Variants in C8A observed in about 807,000 individuals in gnomAD.
The protein encoded by C8A is complement component C8 alpha chain.
C8A carries 67 observed loss-of-function variants against 65.3 expected under a neutral mutation model. The observed-to-expected ratio is 1.03, with a 90% CI of 0.84 to 1.26. The LOEUF is 1.26. Among genes scored for constraint, C8A ranks in the 50% most tolerant of loss-of-function variants. C8A has a pLI of 0.00. For missense variants in C8A, 781 were observed against 723.9 expected, an observed-to-expected ratio of 1.08 and a Z score of -0.90; for synonymous variants, 290 against 259.4, an observed-to-expected ratio of 1.12 and a Z score of -1.13.
chr1:56,908,186 A>G (rs1644482207), intron 9 of C8A, 73 bp downstream of exon 9: 1 of 1,462,564 alleles, frequency 6.8e-7, no homozygotes, highest in Non-Finnish European at 9.6e-7. Context: ...ATCATTTCAT[A>G]TTTCTTATTA....
In C8A at chr1:56,912,523, C is replaced by G; in HGVS notation, c.1501C>G (p.Pro501Ala). 6.2e-7 allele frequency: 1 copy of G among 1,614,226 alleles called. No individual in the cohort carries two copies. The highest frequency in any genetic ancestry group is 1.3e-5 in the African/African-American group (1 of 75,046). ...GGAATTCAATGCCTGCCGATGTGGG[C>G]CTTGCTTCAACAATGGGGTGCCCAT... ...LMEFNACRCG[P>A]CFNNGVPILE... The change falls in exon 10 of 11, where the codon CCT becomes GCT. Residue 501 changes from proline to alanine, a missense_variant. By Grantham distance (27) the Pro-to-Ala change is conservative. Transcript: ENST00000361249.
intron 6 of C8A, among the ~76,000 whole-genome samples, chr1:56,885,420 A>ATATTTAAATAAATATATATT (rs1557705803): frequency 0.019 from 1,649 of 85,716 alleles, 22 homozygotes; most frequent in Non-Finnish European, 0.029. Context: ...ATTTAAATAT[A>ATATTTAAATAAATATATATT]TATTTAAATA....
chr1:56,882,072 C>G (rs1471188640), intron 5 of C8A, among the ~76,000 whole-genome samples: 1 of 152,130 alleles, frequency 6.6e-6, no homozygotes, highest in East Asian at 1.9e-4. Context: ...CCAAAGGCAG[C>G]TCACACTGAT....
intron 7 of C8A, among the ~76,000 whole-genome samples, chr1:56,889,540 T>C (rs1644328421): frequency 6.6e-6 from 1 of 152,160 alleles, no homozygotes; most frequent in African/African-American, 2.4e-5. Flanking sequence ...CCCTTTTCTC[T>C]TTCCTCTTTG....
chr1:56,864,433 G>A (rs1294820107), intron 1 of C8A, among the ~76,000 whole-genome samples: 1 of 152,112 alleles, frequency 6.6e-6, no homozygotes, highest in Non-Finnish European at 1.5e-5. Flanking sequence ...TGAGATAATG[G>A]AGATCCCAAT....
In C8A at chr1:56,881,586, T is replaced by A. The variant is rs150755683; in HGVS notation, c.606T>A (p.Asp202Glu). 1.9e-6 allele frequency: 3 copies of A among 1,613,648 alleles called. No homozygotes were observed. The highest frequency in any genetic ancestry group is 2.5e-6 in the Non-Finnish European group (3 of 1,179,778). ...GTGAACGTCTCTACTATGGAGATGA[T>A]GAGAAATACTTTCGGAAACCCTACA... ...STCERLYYGD[D>E]EKYFRKPYNF... Residue 202 changes from aspartate (D) to glutamate (E), a missense_variant, in exon 5 of 11, where the codon GAT (aspartate) becomes GAA (glutamate). Transcript: ENST00000361249.
chr1:56,882,671 C>G (rs768492244), intron 5 of C8A, among the ~76,000 whole-genome samples: 1 of 152,128 alleles, frequency 6.6e-6, no homozygotes, highest in Admixed American at 6.6e-5. Context: ...CCTCTACTCT[C>G]TATCAGGCCA....
intron 2 of C8A, among the ~76,000 whole-genome samples, chr1:56,871,319 C>T (rs773690948): frequency 3.9e-5 from 6 of 152,206 alleles, no homozygotes; most frequent in Non-Finnish European, 7.3e-5. Context: ...AAAGCTTCCG[C>T]GGCTGACCGC....
At chr1:56,899,879 A>G (rs1001972283) in intron 7 of C8A, among the ~76,000 whole-genome samples, 1 of 152,192 alleles carries the variant, frequency 6.6e-6, no homozygotes, top group Admixed American at 6.5e-5. Context: ...CCCATCTTAC[A>G]GATGGGAAAA....
chr1:56,908,690 G>A (rs891602924), intron 9 of C8A, among the ~76,000 whole-genome samples: 5 of 152,160 alleles, frequency 3.3e-5, no homozygotes, highest in African/African-American at 1.2e-4. Flanking sequence ...CTCTCCATTA[G>A]AGGAACCTCT....
chr1:56,874,548 G>C (rs1644178971), intron 2 of C8A, among the ~76,000 whole-genome samples: 1 of 152,182 alleles, frequency 6.6e-6, no homozygotes. Context: ...GGGAGAGATG[G>C]AGAACTACGT....
chr1:56,881,654 C>T lies in C8A; in HGVS notation c.654+20C>T. ...TTTGAAGTAAGTCTGAACAGAGGGGCTCTGAGGCCACTGTGGTGTAGGTGG... is the reference window on the plus strand; with the variant it reads ...TTTGAAGTAAGTCTGAACAGAGGGGTTCTGAGGCCACTGTGGTGTAGGTGG... On this transcript the variant is annotated intron_variant, in intron 5 of 10. Transcript: ENST00000361249. 3 of 1,608,720 alleles carry T rather than the reference C, an allele frequency of 1.9e-6. No homozygotes were observed. The Admixed American group carries it at 5.0e-5, about 27-fold the overall frequency.
intron 7 of C8A, among the ~76,000 whole-genome samples, chr1:56,904,604 A>G (rs951000351): frequency 3.9e-5 from 6 of 152,170 alleles, no homozygotes; most frequent in African/African-American, 1.4e-4. Flanking sequence ...TCTAAACATA[A>G]CAGACTTGAG....
At chr1:56,883,389 G>A in intron 5 of C8A, 92 bp from the exon 6 acceptor site, 1 of 1,136,754 alleles carries the variant, frequency 8.8e-7, no homozygotes, top group Non-Finnish European at 1.3e-6. Flanking sequence ...TAAAATTTTA[G>A]ATATTTTACA....
At chr1:56,892,865 A>T (rs772989031) in intron 7 of C8A, among the ~76,000 whole-genome samples, 2 of 152,150 alleles carry the variant, frequency 1.3e-5, no homozygotes, top group Non-Finnish European at 2.9e-5. Context: ...AGGGAGTCTG[A>T]TGGGACACCT....
chr1:56,876,289 G>T (rs1644198635), intron 4 of C8A, 80 bp downstream of exon 4: 1 of 1,568,974 alleles, frequency 6.4e-7, no homozygotes, highest in Non-Finnish European at 8.8e-7. Context: ...AGGACAGAAG[G>T]GGGCCATTTT....
chr1:56,898,981 AT>A (rs1644405718), intron 7 of C8A, among the ~76,000 whole-genome samples: 1 of 151,998 alleles, frequency 6.6e-6, no homozygotes, highest in Admixed American at 6.6e-5. Flanking sequence ...CTTTTTATTT[AT>A]TTATTTATTT....
intron 2 of C8A, among the ~76,000 whole-genome samples, chr1:56,874,671 A>G (rs1244831464): frequency 6.6e-6 from 1 of 152,210 alleles, no homozygotes; most frequent in African/African-American, 2.4e-5. Context: ...AAGAGGGAAC[A>G]GAGGTTATTC....
intron 2 of C8A, among the ~76,000 whole-genome samples, chr1:56,872,788 C>T (rs918611202): frequency 4.6e-5 from 7 of 151,960 alleles, no homozygotes; most frequent in African/African-American, 1.7e-4. Flanking sequence ...ATGTGGATAG[C>T]AGTTACACTT....
Sources: gnomAD v4.1 joint callset for allele counts (sites outside exome capture counted in the v4.1 genomes callset) on GRCh38, gnomAD v4.1.1 for gene constraint, MANE v1.5 for transcripts, NCBI Gene and HGNC (gene_info 2026-07-23, HGNC 2026-07-21) for gene names.